The following ANTXR1 variants were observed in gnomAD, a reference collection of about 807,000 sequenced individuals.
ANTXR1 encodes the protein anthrax toxin receptor 1.
A neutral mutation model predicts 78.1 loss-of-function variants in ANTXR1; 19 were observed. The observed-to-expected ratio is 0.24, with a 90% CI of 0.17 to 0.36. The LOEUF (loss-of-function observed/expected upper bound fraction) is 0.36. Among genes scored for constraint, ANTXR1 ranks in the 10% least tolerant of loss-of-function variants. The pLI is 1.00. For synonymous variants in ANTXR1, 273 were observed against 260.5 expected, an observed-to-expected ratio of 1.05 and a Z score of -0.46; for missense variants, 518 against 718.6, an observed-to-expected ratio of 0.72 and a Z score of 3.19.
chr2:69,030,278 G>A (rs1377408705), intron 1 of ANTXR1, among the ~76,000 whole-genome samples: 1 of 152,094 alleles, frequency 6.6e-6, no homozygotes, highest in African/African-American at 2.4e-5. Flanking sequence ...CATCTTCAAG[G>A]AACAGAAAAT....
rs898952853 is a variant in ANTXR1 at position 69,146,330 on chromosome 2, G to A, written c.952-5839G>A. 5 of 985,186 alleles carry A rather than the reference G, an allele frequency of 5.1e-6. No individual in the cohort carries two copies. In the Admixed American group the frequency reaches 1.8e-4, roughly 36 times the overall value. 61.0% of individuals were successfully genotyped at this position (985,186 alleles called of 1,614,324 possible). A position where few individuals can be genotyped will look rare whatever the true frequency, so the allele number is the denominator to read the frequency against. On this transcript the variant is annotated intron_variant, in intron 12 of 17. Transcript: ENST00000303714. ...CCCCCCACCACTTGCTGTTAAAATT[G>A]TTAAAATTAAAGGCCATGTTGATTG... is the stretch of plus-strand genomic sequence containing the variant.
chr2:69,020,564 T>C (rs1335701400), intron 1 of ANTXR1, among the ~76,000 whole-genome samples: 1 of 152,162 alleles, frequency 6.6e-6, no homozygotes, highest in Non-Finnish European at 1.5e-5. Context: ...TGCTAAAGGA[T>C]TCCTAGTGGT....
chr2:69,207,250 G>A (rs1674927572), intron 17 of ANTXR1, among the ~76,000 whole-genome samples: 1 of 152,184 alleles, frequency 6.6e-6, no homozygotes, highest in South Asian at 2.1e-4. Context: ...GCTCTCTCAA[G>A]CCTATTCTGT....
intron 1 of ANTXR1, among the ~76,000 whole-genome samples, chr2:69,022,204 T>C (rs1209696772): frequency 6.6e-6 from 1 of 152,224 alleles, no homozygotes; most frequent in African/African-American, 2.4e-5. Context: ...GCCTGTACAC[T>C]GCAGGGGCTG....
intron 17 of ANTXR1, among the ~76,000 whole-genome samples, chr2:69,239,458 G>A (rs1207873381): frequency 1.3e-5 from 2 of 152,112 alleles, no homozygotes; most frequent in African/African-American, 4.8e-5. Context: ...TGTAATTCCA[G>A]CTACTTGGGA....
chr2:69,172,344 T>C (rs1195721487), intron 14 of ANTXR1: 1 of 1,604,908 alleles, frequency 6.2e-7, no homozygotes, highest in East Asian at 2.2e-5. Context: ...CCACCTAATC[T>C]CCTTCCTAAT....
chr2:69,038,160 A>G (rs188996840), intron 1 of ANTXR1, among the ~76,000 whole-genome samples: 1 of 152,266 alleles, frequency 6.6e-6, no homozygotes, highest in African/African-American at 2.4e-5. Context: ...CAACTACAGC[A>G]CTTTTCATGA....
At chr2:69,138,220 A>G (rs1432645299) in intron 12 of ANTXR1, among the ~76,000 whole-genome samples, 1 of 152,190 alleles carries the variant, frequency 6.6e-6, no homozygotes, top group African/African-American at 2.4e-5. Context: ...AAAGGACCAA[A>G]AAGCAGAGAA....
At chr2:69,076,446 A>G (rs1670733798) in intron 7 of ANTXR1, among the ~76,000 whole-genome samples, 1 of 152,246 alleles carries the variant, frequency 6.6e-6, no homozygotes, top group Non-Finnish European at 1.5e-5. Context: ...CTTACTAGCA[A>G]TCTAAATACA....
intron 16 of ANTXR1, among the ~76,000 whole-genome samples, chr2:69,186,302 C>T (rs1286092040): frequency 1.3e-5 from 2 of 152,216 alleles, no homozygotes; most frequent in African/African-American, 4.8e-5. Context: ...GTGTGCTCTC[C>T]GTCCAGAAGT....
chr2:69,146,347 T>C (rs1673226158), intron 12 of ANTXR1: 1 of 985,354 alleles, frequency 1.0e-6, no homozygotes, highest in South Asian at 4.7e-5. Flanking sequence ...TTAAAGGCCA[T>C]GTTGATTGAT....
At chr2:69,210,427 G>A (rs1675012648) in intron 17 of ANTXR1, among the ~76,000 whole-genome samples, 1 of 152,146 alleles carries the variant, frequency 6.6e-6, no homozygotes, top group Admixed American at 6.6e-5. Flanking sequence ...GTGTCAGTGG[G>A]AATAACCAAA....
chr2:69,091,602 T>C (rs763328755), intron 9 of ANTXR1, among the ~76,000 whole-genome samples: 4 of 152,136 alleles, frequency 2.6e-5, no homozygotes, highest in Non-Finnish European at 5.9e-5. Context: ...CATGAGGCCC[T>C]GCAGATACCA....
At chr2:69,186,622 G>T (rs902056777) in intron 16 of ANTXR1, among the ~76,000 whole-genome samples, 1 of 152,244 alleles carries the variant, frequency 6.6e-6, no homozygotes, top group Non-Finnish European at 1.5e-5. Flanking sequence ...GAGCATGTGG[G>T]GAAATGGTGT....
chr2:69,238,330 G>A (rs933423412), intron 17 of ANTXR1, among the ~76,000 whole-genome samples: 1 of 152,130 alleles, frequency 6.6e-6, no homozygotes, highest in African/African-American at 2.4e-5. Context: ...TTCTTCATGA[G>A]GACAGGGACC....
intron 14 of ANTXR1, among the ~76,000 whole-genome samples, chr2:69,178,410 G>C (rs962157515): frequency 3.9e-5 from 6 of 152,308 alleles, no homozygotes; most frequent in Non-Finnish European, 7.4e-5. Context: ...GCTCGGTGGC[G>C]CGGCAGCGTG....
chr2:69,115,117 AC>A (rs776189378), intron 10 of ANTXR1, among the ~76,000 whole-genome samples: 128 of 152,282 alleles, frequency 8.4e-4, no homozygotes, highest in Admixed American at 2.4e-3. Context: ...CCTGGTCTCT[AC>A]CCACTAGATG....
At chr2:69,120,559 T>A (rs897873340) in intron 10 of ANTXR1, among the ~76,000 whole-genome samples, 3 of 152,050 alleles carry the variant, frequency 2.0e-5, no homozygotes, top group African/African-American at 7.3e-5. Context: ...TCCCAGCTAC[T>A]TGGGAGGCTA....
intron 9 of ANTXR1, among the ~76,000 whole-genome samples, chr2:69,096,274 A>T (rs1040676631): frequency 1.3e-4 from 1 of 7,728 alleles, no homozygotes; most frequent in Non-Finnish European, 1.9e-4. Context: ...GGAAGGAAGG[A>T]AGGAAGGAAG....
Sources: allele counts gnomAD v4.1 joint callset (sites outside exome capture counted in the v4.1 genomes callset), GRCh38; gene constraint gnomAD v4.1.1; transcripts MANE v1.5; gene names NCBI Gene and HGNC (gene_info 2026-07-23, HGNC 2026-07-21).